The following STK3 variants were observed in gnomAD, a reference collection of about 807,000 sequenced individuals.
STK3 encodes serine/threonine kinase 3.
Under a neutral mutation model 58.0 loss-of-function variants are expected in STK3, and 41 were observed. That is an observed-to-expected ratio of 0.71 (90% CI 0.55 to 0.92). The LOEUF is 0.92. STK3 is among the 40% of genes least tolerant of loss of function. The pLI, the probability that STK3 is intolerant of heterozygous loss-of-function variation, is 0.00. For synonymous variants in STK3, 170 were observed against 191.0 expected (o/e 0.89, Z 0.91); for missense variants, 479 against 602.7 (o/e 0.79, Z 2.15).
At chr8:98,445,488 ATTG>A (rs1818901099) in intron 1 of STK3, among the ~76,000 whole-genome samples, 1 of 152,198 alleles carries the variant, frequency 6.6e-6, no homozygotes, top group Admixed American at 6.5e-5. Context: ...ATAAAAGATT[ATTG>A]AGATATTTTA....
At chr8:98,530,787 C>T (rs1826115372) in intron 9 of STK3, among the ~76,000 whole-genome samples, 1 of 152,222 alleles carries the variant, frequency 6.6e-6, no homozygotes, top group Non-Finnish European at 1.5e-5. Flanking sequence ...GCTTTATCAA[C>T]TGAGTTTATG....
intron 6 of STK3, among the ~76,000 whole-genome samples, chr8:98,636,214 T>C (rs957835586): frequency 1.3e-5 from 2 of 152,022 alleles, no homozygotes; most frequent in African/African-American, 4.8e-5. Context: ...GGGAAAAAAG[T>C]GAGACATGGA....
At chr8:98,684,804 T>G (rs1010409622) in intron 6 of STK3, among the ~76,000 whole-genome samples, 5 of 152,196 alleles carry the variant, frequency 3.3e-5, no homozygotes, top group African/African-American at 1.2e-4. Context: ...TAGATTCAAG[T>G]TGCAAATCAT....
intron 2 of STK3, among the ~76,000 whole-genome samples, chr8:98,771,038 T>C (rs929961933): frequency 1.3e-5 from 2 of 152,202 alleles, no homozygotes; most frequent in Non-Finnish European, 2.9e-5. Flanking sequence ...CAACATAAAA[T>C]TCACTGTTTT....
intron 1 of STK3, among the ~76,000 whole-genome samples, chr8:98,931,253 T>C (rs1323831993): frequency 1.3e-5 from 2 of 152,168 alleles, no homozygotes; most frequent in Non-Finnish European, 2.9e-5. Context: ...TTCCCCTTAA[T>C]CTGGCAGAAT....
chr8:98,585,703 C>T (rs1043903732), intron 7 of STK3, among the ~76,000 whole-genome samples: 21 of 151,918 alleles, frequency 1.4e-4, no homozygotes, highest in African/African-American at 4.6e-4. Context: ...GCCTTTTTCA[C>T]GATATTGATT....
intron 6 of STK3, among the ~76,000 whole-genome samples, chr8:98,699,834 G>A (rs951840232): frequency 6.6e-6 from 1 of 152,216 alleles, no homozygotes; most frequent in African/African-American, 2.4e-5. Context: ...ACTTGAGGAG[G>A]CAGTCTGCCC....
At chr8:98,492,722 A>G (rs1301210388) in intron 10 of STK3, among the ~76,000 whole-genome samples, 1 of 152,042 alleles carries the variant, frequency 6.6e-6, no homozygotes, top group Non-Finnish European at 1.5e-5. Flanking sequence ...AGAGGGGAGT[A>G]ATTATCAGGT....
At chr8:98,742,952 C>A (rs984641660) in intron 4 of STK3, among the ~76,000 whole-genome samples, 11 of 151,600 alleles carry the variant, frequency 7.3e-5, no homozygotes, top group South Asian at 2.1e-4. Flanking sequence ...AAACAGAGAG[C>A]CAAATCATGA....
intron 7 of STK3, among the ~76,000 whole-genome samples, chr8:98,588,339 A>C (rs1229698644): frequency 6.6e-6 from 1 of 151,456 alleles, no homozygotes; most frequent in Non-Finnish European, 1.5e-5. Context: ...AAAGGATTTT[A>C]TTTCTCCTTC....
chr8:98,826,714 A>T (rs1002698321), upstream of STK3, among the ~76,000 whole-genome samples: 8 of 151,584 alleles, frequency 5.3e-5, no homozygotes, highest in Non-Finnish European at 1.0e-4. Flanking sequence ...ACATGAGTTT[A>T]CTTGTTTTTG....
Position 98,801,792 on chromosome 8 carries a change from CTT to C in STK3, c.26+23721_26+23722del, listed in dbSNP as rs530525129. ...CAATTCCAGACACATTAGGATATGC[CTT>C]TTTTTTTTCAGTGACATCCAAATTC... On this transcript the variant is annotated intron_variant, in intron 1 of 10. Coordinates refer to ENST00000419617, the MANE Select transcript of STK3 (RefSeq NM_006281.4). Among the ~76,000 whole-genome samples, 88 of 149,618 alleles carry C rather than the reference CTT, an allele frequency of 5.9e-4. 1 individual carries two copies. The highest frequency in any genetic ancestry group is 2.0e-3 in the African/African-American group (82 of 40,890).
intron 3 of STK3, among the ~76,000 whole-genome samples, chr8:98,754,808 C>CA (rs371421829): frequency 4.0e-4 from 60 of 150,080 alleles, no homozygotes; most frequent in Middle Eastern, 3.4e-3. Context: ...CCATGCCCGC[C>CA]AAAAAAAAAT....
intron 1 of STK3, among the ~76,000 whole-genome samples, chr8:98,805,849 G>C (rs914120182): frequency 1.8e-4 from 27 of 151,870 alleles, no homozygotes; most frequent in African/African-American, 6.3e-4. Context: ...CCTTCTCTCT[G>C]CCTGTCAAAA....
chr8:98,722,300 T>C (rs1827490626), intron 4 of STK3, among the ~76,000 whole-genome samples: 1 of 152,118 alleles, frequency 6.6e-6, no homozygotes, highest in Non-Finnish European at 1.5e-5. Flanking sequence ...CGGAGACAAA[T>C]CTTAGCAAAT....
At chr8:98,836,158 A>G (rs1006931823) in intron 3 of STK3, among the ~76,000 whole-genome samples, 24 of 152,052 alleles carry the variant, frequency 1.6e-4, no homozygotes, top group African/African-American at 5.5e-4. Context: ...CTGAGATCGC[A>G]CTATTGCACT....
chr8:98,713,714 A>G (rs1219811559), intron 4 of STK3, among the ~76,000 whole-genome samples: 1 of 152,324 alleles, frequency 6.6e-6, no homozygotes, highest in Middle Eastern at 3.4e-3. Flanking sequence ...AGGAGCTGGT[A>G]TCATTCCTTC....
intron 3 of STK3, among the ~76,000 whole-genome samples, chr8:98,410,916 A>G (rs1191734403): frequency 6.6e-6 from 1 of 152,234 alleles, no homozygotes; most frequent in Non-Finnish European, 1.5e-5. Flanking sequence ...CAAAGTCCTA[A>G]GACTGGGAAT....
the STK3 span, among the ~76,000 whole-genome samples, chr8:98,353,220 T>C: frequency 6.6e-6 from 1 of 152,300 alleles, no homozygotes; most frequent in South Asian, 2.1e-4. Context: ...ATGCCTGTAA[T>C]CCTAGCAATT....
Sources: allele counts gnomAD v4.1 joint callset (sites outside exome capture counted in the v4.1 genomes callset), GRCh38; gene constraint gnomAD v4.1.1; transcripts MANE v1.5; gene names NCBI Gene and HGNC (gene_info 2026-07-23, HGNC 2026-07-21).